The following GPR119 variants were observed in gnomAD, a reference collection of about 807,000 sequenced individuals.
GPR119 encodes G protein-coupled receptor 119.
GPR119 carries 7 observed loss-of-function variants against 13.3 expected under a neutral mutation model. That is an observed-to-expected ratio of 0.53 (90% CI 0.30 to 0.99). GPR119 has a LOEUF of 0.99. Among genes scored for constraint, GPR119 ranks in the 50% least tolerant of loss-of-function variants. The pLI is 0.06. For synonymous variants in GPR119, 107 were observed against 112.5 expected (o/e 0.95, Z 0.31); for missense variants, 197 against 263.0 (o/e 0.75, Z 1.74).
In GPR119 at chrX:130,382,449, G is replaced by A. The variant is rs946891855; in HGVS notation, c.*107C>T. Reference sequence around the variant, plus strand: ...ATTTCAAGGCATATTGGGTTCCATCGTCCACTTGAGAGTCAAAAAGTTCTT... The same window carrying A: ...ATTTCAAGGCATATTGGGTTCCATCATCCACTTGAGAGTCAAAAAGTTCTT... On this transcript the variant is annotated 3_prime_UTR_variant, in exon 2 of 2. Transcript: ENST00000682440. 3.6e-5 allele frequency among the ~76,000 whole-genome samples: 4 copies of A among 111,718 alleles called. No individual in the cohort carries two copies. The highest frequency in any genetic ancestry group is 7.5e-5 in the Non-Finnish European group (4 of 53,223).
At position 130,381,021 on chromosome X, in the gene GPR119, G is replaced by A. The variant is rs189324240; in HGVS notation, c.*1535C>T. 9.0e-6 allele frequency among the ~76,000 whole-genome samples: 1 copy of A among 111,566 alleles called. No individual in the cohort carries two copies. Among genetic ancestry groups the A allele is most frequent in the East Asian group, 2.8e-4 (1 of 3,569 alleles). On this transcript the variant is annotated 3_prime_UTR_variant, in exon 2 of 2. Transcript: ENST00000682440. Reference sequence around the variant, plus strand: ...TCAGATGTATGAATGAAATCTAAACGTTTCCGGTACATTCCCTTATCTGTG... The same window carrying A: ...TCAGATGTATGAATGAAATCTAAACATTTCCGGTACATTCCCTTATCTGTG...
intron 1 of GPR119, among the ~76,000 whole-genome samples, chrX:130,383,676 C>T (rs1256475631): frequency 8.9e-6 from 1 of 112,498 alleles, no homozygotes; most frequent in African/African-American, 3.2e-5. Context: ...AGGTTTCTAC[C>T]TTTTAGGCAC....
In GPR119 at chrX:130,381,352, T is replaced by G. The variant is rs973461186; in HGVS notation, c.*1204A>C. ...TTTTAGTAGAGACAGCTTTTCACCA[T>G]ATTGGTCAGGCTGGTCTTGAACCCC... is the stretch of plus-strand genomic sequence containing the variant. On this transcript the variant is annotated 3_prime_UTR_variant, in exon 2 of 2. Coordinates refer to ENST00000682440, the MANE Select transcript of GPR119 (RefSeq NM_178471.3). 1.4e-4 allele frequency among the ~76,000 whole-genome samples: 16 copies of G among 111,360 alleles called. No homozygotes were observed. Among genetic ancestry groups the G allele is most frequent in the Non-Finnish European group, 2.8e-4 (15 of 53,059 alleles).
At position 130,380,606 on chromosome X, in the gene GPR119, T is replaced by C. The variant is rs1036670224; in HGVS notation, c.*1950A>G. On this transcript the variant is annotated 3_prime_UTR_variant, in exon 2 of 2. Transcript: ENST00000682440. ...GGCTTCCTCCTGTAATCACAGCACA[T>C]TGAAAGGCTGAGGTGGGAGCATCAC... 5.3e-5 allele frequency among the ~76,000 whole-genome samples: 6 copies of C among 112,718 alleles called. No individual in the cohort carries two copies. The highest frequency in any genetic ancestry group is 1.3e-4 in the African/African-American group (4 of 31,075).
Position 130,382,179 on chromosome X carries a change from G to T in GPR119, c.*377C>A, listed in dbSNP as rs1481640194. 9.1e-6 allele frequency among the ~76,000 whole-genome samples: 1 copy of T among 110,044 alleles called. No homozygotes were observed. The highest frequency in any genetic ancestry group is 1.9e-5 in the Non-Finnish European group (1 of 52,792). The stretch of plus-strand genomic sequence containing the variant: ...TAATTTACTTTTTTTTTTCTAAAAG[G>T]ACCTTGGCTTCAGAATTAACTTTAA... On this transcript the variant is annotated 3_prime_UTR_variant, in exon 2 of 2. Coordinates refer to ENST00000682440, the MANE Select transcript of GPR119 (RefSeq NM_178471.3).
chrX:130,382,919 T>A (rs12012100), intron 1 of GPR119, among the ~76,000 whole-genome samples: 1,124 of 111,143 alleles, frequency 0.01, 16 homozygotes, highest in African/African-American at 0.034. Flanking sequence ...CATCCTCAGG[T>A]CATTAATTTA....
In GPR119 at chrX:130,385,533, GT is replaced by G; in HGVS notation, c.-87del. 1.0e-6 allele frequency: 1 copy of G among 956,655 alleles called. No homozygotes were observed. Among genetic ancestry groups the G allele is most frequent in the Admixed American group, 2.4e-5 (1 of 42,064 alleles). 78.8% of individuals were successfully genotyped at this position (956,655 alleles called of 1,213,427 possible). On this transcript the variant is annotated 5_prime_UTR_variant, in exon 1 of 2. Transcript: ENST00000682440. ...TGGGCCAGGGGCAGAGGAGCTGTGGGTTCAGAGCTACAGCACGATTCTGGCC... is the reference window on the plus strand; with the variant it reads ...TGGGCCAGGGGCAGAGGAGCTGTGGGTCAGAGCTACAGCACGATTCTGGCC...
Position 130,385,587 on chromosome X carries a change from G to A in GPR119, c.-140C>T, listed in dbSNP as rs1014507016. 7.9e-5 allele frequency: 44 copies of A among 555,744 alleles called. No individual in the cohort carries two copies. The highest frequency in any genetic ancestry group is 5.0e-4 in the Admixed American group (16 of 32,234). 45.8% of individuals were successfully genotyped at this position (555,744 alleles called of 1,213,427 possible). A position where few individuals can be genotyped will look rare whatever the true frequency, so the allele number is the denominator to read the frequency against. On this transcript the variant is annotated 5_prime_UTR_variant, in exon 1 of 2. Coordinates refer to ENST00000682440, the MANE Select transcript of GPR119 (RefSeq NM_178471.3). ...CGCTGGCAGTCCAGGCTGGCAGGTC[G>A]CCATCTTTGGGATCCTACAGGTCAT...
rs2034358506 is a variant in GPR119, at chrX:130,381,431, G to A, written c.*1125C>T. ...CCCAACATGCTGGGATTACAGGCGT[G>A]AGCCACCATGCCTGGCCAAACACAG... On this transcript the variant is annotated 3_prime_UTR_variant, in exon 2 of 2. Coordinates refer to ENST00000682440, the MANE Select transcript of GPR119 (RefSeq NM_178471.3). Among the ~76,000 whole-genome samples, 1 of 111,912 alleles carries A rather than the reference G, an allele frequency of 8.9e-6. No individual in the cohort carries two copies. The highest frequency in any genetic ancestry group is 3.7e-4 in the South Asian group (1 of 2,674).
Position 130,384,557 on chromosome X carries a change from C to T in GPR119, c.891G>A (p.Val297=). 1.7e-6 allele frequency: 2 copies of T among 1,211,933 alleles called. No homozygotes were observed. The highest frequency in any genetic ancestry group is 1.8e-5 in the South Asian group (1 of 57,009). The change falls in exon 1 of 2, where the codon GTG becomes GTA. Residue 297 remains valine, a synonymous_variant. Transcript: ENST00000682440. ...RLQLYHMALG[V]KKVLTSFLLF... ...GGAGGAATGAGGTGAGCACCTTCTT[C>T]ACTCCTAGGGCCATGTGGTAGAGCT... is the stretch of plus-strand genomic sequence containing the variant.
chrX:130,385,545 A>G lies in GPR119; in HGVS notation c.-98T>C, dbSNP rs538711592. ...AGAGGAGCTGTGGGTTCAGAGCTAC[A>G]GCACGATTCTGGCCTTCGCTGGCAG... On this transcript the variant is annotated 5_prime_UTR_variant, in exon 1 of 2. Transcript: ENST00000682440. The G allele has an allele frequency of 1.6e-5, 14 of 889,215 alleles. No homozygotes were observed. The highest frequency in any genetic ancestry group is 7.9e-5 in the African/African-American group (4 of 50,747). The allele number at this position is 889,215 out of a possible 1,213,427, so 73.3% of individuals were successfully genotyped here. A position where few individuals can be genotyped will look rare whatever the true frequency, so the allele number is the denominator to read the frequency against.
intron 1 of GPR119, among the ~76,000 whole-genome samples, chrX:130,383,487 A>G (rs1159989804): frequency 1.8e-5 from 2 of 112,099 alleles, no homozygotes; most frequent in African/African-American, 6.5e-5. Context: ...CAGCATTGTC[A>G]TCAGCAAGTA....
intron 1 of GPR119, among the ~76,000 whole-genome samples, chrX:130,383,457 G>A (rs1413191675): frequency 8.9e-6 from 1 of 111,943 alleles, no homozygotes; most frequent in Admixed American, 9.5e-5. Context: ...TTCCCTCCCA[G>A]TGCCTCAGAA....
chrX:130,384,671 C>T lies in GPR119; in HGVS notation c.777G>A (p.Val259=). The part of the protein sequence containing the change: ...VACQECHLYL[V]LERYLWLLGV... ...CGAGCAGCCACAGGTACCGTTCCAG[C>T]ACTAGGTAGAGGTGACACTCCTGGC... Residue 259 remains valine, a synonymous_variant, in exon 1 of 2, where the codon GTG becomes GTA. Coordinates refer to ENST00000682440, the MANE Select transcript of GPR119 (RefSeq NM_178471.3). 8.3e-7 allele frequency: 1 copy of T among 1,211,883 alleles called. No homozygotes were observed. Among genetic ancestry groups the T allele is most frequent in the Non-Finnish European group, 1.1e-6 (1 of 895,525 alleles).
At chrX:130,383,174 G>A (rs1159626024) in intron 1 of GPR119, among the ~76,000 whole-genome samples, 1 of 111,528 alleles carries the variant, frequency 9.0e-6, no homozygotes, top group African/African-American at 3.3e-5. Flanking sequence ...GGCAGAGAGT[G>A]GTTCCTGAGT....
chrX:130,385,409 G>T lies in GPR119; in HGVS notation c.39C>A (p.Val13=), dbSNP rs1301775179. 8.3e-7 allele frequency: 1 copy of T among 1,211,311 alleles called. No individual in the cohort carries two copies. The highest frequency in any genetic ancestry group is 2.2e-5 in the Admixed American group (1 of 46,035). ...SSFSFGVILA[V]LASLIIATNT... The stretch of plus-strand genomic sequence containing the variant: ...TAGTAGCAATGATGAGGGAGGCCAG[G>T]ACAGCAAGGATCACTCCAAATGAGA... Residue 13 remains valine, a synonymous_variant, in exon 1 of 2, where the codon GTC becomes GTA. Coordinates refer to ENST00000682440, the MANE Select transcript of GPR119 (RefSeq NM_178471.3).
In GPR119 at chrX:130,379,914, C is replaced by T. The variant is rs2034351909; in HGVS notation, c.*2642G>A. Among the ~76,000 whole-genome samples the T allele has an allele frequency of 8.9e-6, 1 of 112,522 alleles. No homozygotes were observed. Among genetic ancestry groups the T allele is most frequent in the African/African-American group, 3.2e-5 (1 of 30,995 alleles). On this transcript the variant is annotated 3_prime_UTR_variant, in exon 2 of 2. Transcript: ENST00000682440. ...CCCAGCAAAGCTGGGGCAATTTTAGCACATAGCTCTCAATGTTTGTGAGAT... is the reference window on the plus strand; with the variant it reads ...CCCAGCAAAGCTGGGGCAATTTTAGTACATAGCTCTCAATGTTTGTGAGAT...
At chrX:130,382,810 T>C (rs1367224661) in intron 1 of GPR119, among the ~76,000 whole-genome samples, 2 of 110,740 alleles carry the variant, frequency 1.8e-5, no homozygotes, top group African/African-American at 6.6e-5. Context: ...GAAAGGAGGG[T>C]GGCTGGATTC....
In GPR119 at chrX:130,385,378, G is replaced by C. The variant is rs201637019; in HGVS notation, c.70C>G (p.Leu24Val). 22 of 1,206,412 alleles carry C rather than the reference G, an allele frequency of 1.8e-5. No individual in the cohort carries two copies. Among genetic ancestry groups the C allele is most frequent in the Non-Finnish European group, 2.2e-5 (20 of 891,655 alleles). ...AACAGCAGCACAGCCACAGCCACTA[G>C]TGTGTTAGTAGCAATGATGAGGGAG... ...LASLIIATNT[L>V]VAVAVLLLIH... is the part of the protein sequence containing the mutation. Residue 24 changes from leucine to valine, a missense_variant, in exon 1 of 2, where the codon CTA becomes GTA. Coordinates refer to ENST00000682440, the MANE Select transcript of GPR119 (RefSeq NM_178471.3).
Sources: gnomAD v4.1 joint callset for allele counts (sites outside exome capture counted in the v4.1 genomes callset) on GRCh38, gnomAD v4.1.1 for gene constraint, MANE v1.5 for transcripts, NCBI Gene and HGNC (gene_info 2026-07-23, HGNC 2026-07-21) for gene names.